The following ANGPT4 variants were observed in gnomAD, a reference collection of about 807,000 sequenced individuals.
ANGPT4 encodes the protein angiopoietin-4.
In ANGPT4, 50 loss-of-function variants were observed where a neutral mutation model predicts 53.0. The observed-to-expected ratio is 0.94, with a 90% confidence interval of 0.75 to 1.20. The LOEUF (loss-of-function observed/expected upper bound fraction) is 1.20. Ranked by LOEUF, ANGPT4 falls within the 50% of genes most tolerant of loss-of-function variation. ANGPT4 has a pLI of 0.00. For missense variants in ANGPT4, 648 were observed against 637.1 expected (o/e 1.02, Z -0.18); for synonymous variants, 251 against 259.7 (o/e 0.97, Z 0.32).
intron 7 of ANGPT4, among the ~76,000 whole-genome samples, chr20:875,423 T>C (rs1378639811): frequency 1.3e-5 from 2 of 152,204 alleles, no homozygotes; most frequent in Non-Finnish European, 2.9e-5. Flanking sequence ...GGATTTCTAT[T>C]TCTTTGCCAG....
chr20:874,757 G>A (rs1981095873), intron 7 of ANGPT4, among the ~76,000 whole-genome samples: 1 of 152,198 alleles, frequency 6.6e-6, no homozygotes. Flanking sequence ...TCTGTTGCCA[G>A]GCTGGAGTGC....
Position 878,271 on chromosome 20 carries a change from G to A in ANGPT4, c.1110C>T (p.Leu370=). ...GCAGAGAGTAGGCTGCCCTTCTGGT[G>A]AGCTGGTGCACCACTTCATTGCCCA... ...HWLGNEVVHQ[L]TRRAAYSLRV... The change falls in exon 7 of 9, where the codon CTC becomes CTT. Residue 370 remains leucine, a synonymous_variant. Coordinates refer to ENST00000381922, the MANE Select transcript of ANGPT4 (RefSeq NM_015985.4). 1 of 1,611,682 alleles carries A rather than the reference G, an allele frequency of 6.2e-7. No individual in the cohort carries two copies. Among genetic ancestry groups the A allele is most frequent in the South Asian group, 1.1e-5 (1 of 91,056 alleles).
chr20:914,428 G>T lies in ANGPT4; in HGVS notation c.309+1478C>A, dbSNP rs939874844. 1.3e-5 allele frequency among the ~76,000 whole-genome samples: 2 copies of T among 152,052 alleles called. No homozygotes were observed. The highest frequency in any genetic ancestry group is 2.4e-5 in the African/African-American group (1 of 41,382). ...GGGAGAGGGAACTCCAGGGAGTAAG[G>T]GTTCTTGCTTTTATTCGGATGCATG... On this transcript the variant is annotated intron_variant, in intron 1 of 8. Coordinates refer to ENST00000381922, the MANE Select transcript of ANGPT4 (RefSeq NM_015985.4). The surrounding 1 kb of genome is among the most constrained non-coding windows in gnomAD (Gnocchi z 5.0).
chr20:888,380 G>A lies in ANGPT4; in HGVS notation c.525C>T (p.Asn175=). The change falls in exon 3 of 9, where the codon AAC becomes AAT. Residue 175 remains asparagine (N), a synonymous_variant. Transcript: ENST00000381922. Reference sequence around the variant, plus strand: ...GTAGCAGCAGCTGGTTCTCCAGCTTGTTGGTGGACAGAAAGGTCTCTGGCA... The same window carrying A: ...GTAGCAGCAGCTGGTTCTCCAGCTTATTGGTGGACAGAAAGGTCTCTGGCA... ...AQMPETFLST[N]KLENQLLLQR... 6.2e-7 allele frequency: 1 copy of A among 1,613,864 alleles called. No homozygotes were observed. Among genetic ancestry groups the A allele is most frequent in the Non-Finnish European group, 8.5e-7 (1 of 1,179,966 alleles).
intron 7 of ANGPT4, among the ~76,000 whole-genome samples, chr20:875,787 A>G (rs948237245): frequency 5.9e-5 from 9 of 151,790 alleles, no homozygotes; most frequent in African/African-American, 1.9e-4. Context: ...GGGTTGGGGG[A>G]GGCTGCACTG....
At chr20:888,491 C>A in intron 2 of ANGPT4, 52 bp from the exon 3 acceptor site, 1 of 1,564,314 alleles carries the variant, frequency 6.4e-7, no homozygotes, top group South Asian at 1.2e-5. Context: ...CTACAGGAGC[C>A]CTGCCCAACC....
Position 916,024 on chromosome 20 carries a change from T to A in ANGPT4, c.191A>T (p.Asp64Val). Residue 64 changes from aspartate (D) to valine (V), a missense_variant, in exon 1 of 9, where the codon GAC becomes GTC. Transcript: ENST00000381922. ...TGATTCTCTCTGGAGGGTGTTGGAGTCCCTGGAGACCTCAGGCCCCGGAGG... is the reference window on the plus strand; with the variant it reads ...TGATTCTCTCTGGAGGGTGTTGGAGACCCTGGAGACCTCAGGCCCCGGAGG... ...PCPPGPEVSR[D>V]SNTLQRESLA... The A allele has an allele frequency of 6.2e-7, 1 of 1,614,020 alleles. No individual in the cohort carries two copies. Among genetic ancestry groups the A allele is most frequent in the Non-Finnish European group, 8.5e-7 (1 of 1,179,974 alleles).
chr20:904,571 G>A (rs1982406751), intron 1 of ANGPT4, among the ~76,000 whole-genome samples: 1 of 152,216 alleles, frequency 6.6e-6, no homozygotes, highest in African/African-American at 2.4e-5. Flanking sequence ...AGTCTATGTG[G>A]GGAATAAATC....
At position 878,340 on chromosome 20, in the gene ANGPT4, G is replaced by A; in HGVS notation, c.1054-13C>T. On this transcript the variant is annotated splice_polypyrimidine_tract_variant and intron_variant, in intron 6 of 8. Transcript: ENST00000381922. Reference sequence around the variant, plus strand: ...GGTCTCCGAAGCCCTATAGGGAGGGGAGCGTGGGGTGAGACTCATGCTGAG... The same window carrying A: ...GGTCTCCGAAGCCCTATAGGGAGGGAAGCGTGGGGTGAGACTCATGCTGAG... 1 of 1,590,102 alleles carries A rather than the reference G, an allele frequency of 6.3e-7. No homozygotes were observed. The highest frequency in any genetic ancestry group is 1.7e-5 in the Admixed American group (1 of 59,542).
At chr20:893,892 T>G (rs980714761) in intron 1 of ANGPT4, among the ~76,000 whole-genome samples, 4 of 152,230 alleles carry the variant, frequency 2.6e-5, no homozygotes, top group African/African-American at 9.6e-5. Flanking sequence ...TTTACTCGCC[T>G]TATTCTGGGC....
intron 3 of ANGPT4, 131 bp downstream of exon 3, chr20:888,187 C>A (rs897605265): frequency 7.8e-7 from 1 of 1,282,950 alleles, no homozygotes; most frequent in Admixed American, 2.8e-5. Flanking sequence ...ATCCCAGACA[C>A]CAGCCCACGT....
Position 916,231 on chromosome 20 carries a change from G to C in ANGPT4, c.-17C>G, listed in dbSNP as rs1306585597. The C allele has an allele frequency of 1.4e-5, 22 of 1,605,230 alleles. No homozygotes were observed. The highest frequency in any genetic ancestry group is 1.7e-5 in the Non-Finnish European group (20 of 1,174,780). On this transcript the variant is annotated 5_prime_UTR_variant, in exon 1 of 9. Transcript: ENST00000381922. Reference sequence around the variant, plus strand: ...GGAGAGCATCTGAAGATGTGTCAATGGCGAGGGATGTCTGCTCAGAGCCCT... The same window carrying C: ...GGAGAGCATCTGAAGATGTGTCAATCGCGAGGGATGTCTGCTCAGAGCCCT...
intron 5 of ANGPT4, 119 bp downstream of exon 5, chr20:881,052 C>T (rs1981383048): frequency 2.5e-6 from 2 of 799,574 alleles, no homozygotes; most frequent in South Asian, 2.2e-5. Context: ...GCCACCCCTA[C>T]ACCTCTGGTA....
intron 5 of ANGPT4, 111 bp downstream of exon 5, chr20:881,060 G>T: frequency 1.2e-6 from 1 of 845,390 alleles, no homozygotes; most frequent in Non-Finnish European, 1.8e-6. Flanking sequence ...TACACCTCTG[G>T]TATTTCAGAT....
Position 904,263 on chromosome 20 carries a change from C to A in ANGPT4, c.309+11643G>T, listed in dbSNP as rs1026545079. On this transcript the variant is annotated intron_variant, in intron 1 of 8. Transcript: ENST00000381922. ...TCCTTCCAGAGAAACGCTATGCATA[C>A]TTCTACATCTGCAGTAACTGTGTTT... Among the ~76,000 whole-genome samples the A allele has an allele frequency of 9.2e-5, 14 of 152,220 alleles. 1 individual carries two copies. The highest frequency in any genetic ancestry group is 9.2e-4 in the Admixed American group (14 of 15,284).
At chr20:876,795 C>T (rs1010152772) in intron 7 of ANGPT4, among the ~76,000 whole-genome samples, 1 of 151,890 alleles carries the variant, frequency 6.6e-6, no homozygotes, top group African/African-American at 2.4e-5. Context: ...ATTTTTCATT[C>T]AGCTCTGGAC....
intron 4 of ANGPT4, among the ~76,000 whole-genome samples, chr20:882,901 G>A (rs1348539147): frequency 6.6e-6 from 1 of 152,212 alleles, no homozygotes; most frequent in Non-Finnish European, 1.5e-5. Context: ...TTGGGGCCAG[G>A]AAAAATATTT....
In ANGPT4 at chr20:905,197, G is replaced by C. The variant is rs1982431617; in HGVS notation, c.309+10709C>G. Among the ~76,000 whole-genome samples the C allele has an allele frequency of 2.6e-5, 4 of 152,018 alleles. No individual in the cohort carries two copies. In the South Asian group the frequency reaches 8.3e-4, roughly 32 times the overall value. On this transcript the variant is annotated intron_variant, in intron 1 of 8. Transcript: ENST00000381922. ...CCTGTTTATCACAGTGTGCACTCTG[G>C]CTTCTACACAGTACTTCATGCCATC...
At chr20:900,091 C>T (rs1287851556) in intron 1 of ANGPT4, among the ~76,000 whole-genome samples, 3 of 152,228 alleles carry the variant, frequency 2.0e-5, no homozygotes, top group African/African-American at 7.2e-5. Flanking sequence ...ATAACCTCTT[C>T]TATGTGGGTT....
Sources: allele counts gnomAD v4.1 joint callset (sites outside exome capture counted in the v4.1 genomes callset), GRCh38; gene constraint gnomAD v4.1.1; non-coding constraint Gnocchi (gnomAD v3.1); transcripts MANE v1.5; gene names NCBI Gene and HGNC (gene_info 2026-07-23, HGNC 2026-07-21).